Variants in DPP4 observed in about 807,000 individuals in gnomAD.
DPP4 encodes dipeptidyl peptidase 4.
A neutral mutation model predicts 122.4 loss-of-function variants in DPP4; 93 were observed. That is an observed-to-expected ratio of 0.76 (90% CI 0.64 to 0.90). The LOEUF is 0.90. Ranked by LOEUF, DPP4 falls within the 40% of genes least tolerant of loss-of-function variation. The pLI is 0.00. For missense variants in DPP4, 914 were observed against 907.3 expected (o/e 1.01, Z -0.09); for synonymous variants, 321 against 302.9 (o/e 1.06, Z -0.62).
chr2:162,056,991 A>C (rs1410199531), intron 2 of DPP4, among the ~76,000 whole-genome samples: 1 of 152,096 alleles, frequency 6.6e-6, no homozygotes, highest in Non-Finnish European at 1.5e-5. Flanking sequence ...TGTGACCGTC[A>C]CCCATAAAAT....
At position 162,033,632 on chromosome 2, in the gene DPP4, C is replaced by T. The variant is rs56179129; in HGVS notation, c.796G>A (p.Val266Ile). ...TCTGTATTTACAACAAAGAACTTTA[C>T]AGTTGGATTCACAGCTCCTGCCTAG... is the stretch of plus-strand genomic sequence containing the variant. ...YPKAGAVNPT[V>I]KFFVVNTDSL... Residue 266 changes from valine to isoleucine, a missense_variant, in exon 10 of 26, where the codon GTA becomes ATA. Physicochemically the swap from Val to Ile is conservative, Grantham distance 29. Transcript: ENST00000360534. 9,269 of 1,608,642 alleles carry T rather than the reference C, an allele frequency of 5.8e-3. 33 individuals carry two copies. Among genetic ancestry groups the T allele is most frequent in the Non-Finnish European group, 7.3e-3 (8,563 of 1,177,840 alleles).
chr2:161,996,987 T>G (rs186045622), intron 23 of DPP4, among the ~76,000 whole-genome samples: 3 of 152,284 alleles, frequency 2.0e-5, no homozygotes, highest in Non-Finnish European at 2.9e-5. Context: ...GGGGTTAAAT[T>G]TCTGATGCTG....
intron 14 of DPP4, 27 bp from the exon 15 acceptor site, chr2:162,019,303 T>C: frequency 7.1e-7 from 1 of 1,408,626 alleles, no homozygotes; most frequent in Non-Finnish European, 9.8e-7. Flanking sequence ...ATGAAATATA[T>C]ATTAATTATG....
At chr2:162,033,787 T>G (rs1683655409) in intron 9 of DPP4, 134 bp from the exon 10 acceptor site, 1 of 523,978 alleles carries the variant, frequency 1.9e-6, no homozygotes, top group Admixed American at 3.7e-5. Context: ...TCCAACAATT[T>G]AATATACATA....
At chr2:162,018,988 A>G (rs1262570362) in intron 15 of DPP4, 138 bp from the exon 16 acceptor site, 3 of 1,115,660 alleles carry the variant, frequency 2.7e-6, no homozygotes, top group Non-Finnish European at 2.6e-6. Context: ...TTAGCATGAA[A>G]TAAATACATG....
intron 20 of DPP4, among the ~76,000 whole-genome samples, chr2:162,009,972 A>G (rs1682625198): frequency 1.1e-5 from 1 of 89,358 alleles, no homozygotes; most frequent in African/African-American, 5.8e-5. Flanking sequence ...ACATCAAAAG[A>G]AATTTTTTTT....
intron 20 of DPP4, among the ~76,000 whole-genome samples, 178 bp downstream of exon 20, chr2:162,011,615 A>G (rs934967766): frequency 6.6e-6 from 1 of 152,076 alleles, no homozygotes; most frequent in Non-Finnish European, 1.5e-5. Flanking sequence ...ATATCAATCT[A>G]TAATGTAATA....
intron 10 of DPP4, among the ~76,000 whole-genome samples, chr2:162,026,588 C>T (rs2044075033): frequency 6.6e-6 from 1 of 152,158 alleles, no homozygotes; most frequent in South Asian, 2.1e-4. Flanking sequence ...ACGATGTCTT[C>T]TTGGAAACCT....
intron 8 of DPP4, among the ~76,000 whole-genome samples, chr2:162,037,070 A>G (rs1006736159): frequency 6.6e-6 from 1 of 152,176 alleles, no homozygotes; most frequent in African/African-American, 2.4e-5. Context: ...TGCAGGACAT[A>G]TTTTTCTGTA....
At chr2:162,026,344 C>T (rs1683330957) in intron 10 of DPP4, among the ~76,000 whole-genome samples, 3 of 152,262 alleles carry the variant, frequency 2.0e-5, no homozygotes, top group South Asian at 2.1e-4. Flanking sequence ...AGGACCGAAC[C>T]CCTTCACTCA....
chr2:162,062,846 C>T (rs377600641), intron 2 of DPP4, among the ~76,000 whole-genome samples: 38 of 152,232 alleles, frequency 2.5e-4, no homozygotes, highest in African/African-American at 8.4e-4. Flanking sequence ...AACTTAACTA[C>T]AGGAAGAAAA....
intron 23 of DPP4, among the ~76,000 whole-genome samples, chr2:161,996,527 T>C (rs1285446720): frequency 6.6e-6 from 1 of 152,230 alleles, no homozygotes; most frequent in Admixed American, 6.5e-5. Context: ...TGTATTCAAG[T>C]TCCAGTTTCA....
intron 25 of DPP4, among the ~76,000 whole-genome samples, 177 bp downstream of exon 25, chr2:161,994,784 T>C (rs1258447946): frequency 2.6e-5 from 4 of 152,200 alleles, no homozygotes; most frequent in South Asian, 2.1e-4. Flanking sequence ...GCTAATATTA[T>C]TGAGCATTAC....
intron 19 of DPP4, among the ~76,000 whole-genome samples, chr2:162,012,388 C>T (rs146670514): frequency 6.6e-6 from 1 of 152,186 alleles, no homozygotes; most frequent in East Asian, 1.9e-4. Flanking sequence ...CACAATACTC[C>T]TGGACTGCAA....
At chr2:161,994,834 G>T in intron 25 of DPP4, 127 bp downstream of exon 25, 2 of 818,750 alleles carry the variant, frequency 2.4e-6, no homozygotes, top group Non-Finnish European at 3.9e-6. Context: ...CTGACTTCAC[G>T]TTGAAAAAAA....
intron 2 of DPP4, among the ~76,000 whole-genome samples, chr2:162,069,378 C>A (rs1349879529): frequency 6.6e-6 from 1 of 152,192 alleles, no homozygotes; most frequent in Non-Finnish European, 1.5e-5. Flanking sequence ...TCAGTAATTT[C>A]TTAAGTCATA....
chr2:162,022,326 G>A (rs913062473), intron 12 of DPP4, among the ~76,000 whole-genome samples: 1 of 152,196 alleles, frequency 6.6e-6, no homozygotes, highest in South Asian at 2.1e-4. Context: ...GGCACTGTGT[G>A]GTTGCTGCTG....
At chr2:162,025,004 T>C (rs879128888) in intron 10 of DPP4, 65 bp from the exon 11 acceptor site, 1 of 1,563,198 alleles carries the variant, frequency 6.4e-7, no homozygotes. Context: ...CAGACCTTGG[T>C]ACAAATAGAC....
At chr2:162,017,554 T>A in intron 16 of DPP4, 1 of 168,118 alleles carries the variant, frequency 5.9e-6, no homozygotes, top group African/African-American at 2.4e-5. Context: ...TGCAGAGCCC[T>A]GTAGCCAGCC....
Sources: gnomAD v4.1 joint callset for allele counts (sites outside exome capture counted in the v4.1 genomes callset) on GRCh38, gnomAD v4.1.1 for gene constraint, MANE v1.5 for transcripts, NCBI Gene and HGNC (gene_info 2026-07-23, HGNC 2026-07-21) for gene names.